NID1: variants seen among roughly 807,000 people sequenced by gnomAD.
The protein encoded by NID1 is nidogen-1.
A neutral mutation model predicts 130.6 loss-of-function variants in NID1; 76 were observed. The ratio of observed to expected loss-of-function variants is 0.58; its 90% CI spans 0.48 to 0.70. NID1 has a LOEUF of 0.70. Among genes scored for constraint, NID1 ranks in the 30% least tolerant of loss-of-function variants. NID1 has a pLI of 0.00. For missense variants in NID1, 1,517 were observed against 1,664.8 expected, an observed-to-expected ratio of 0.91 and a Z score of 1.54; for synonymous variants, 665 against 675.1, an observed-to-expected ratio of 0.98 and a Z score of 0.23.
intron 14 of NID1, among the ~76,000 whole-genome samples, chr1:235,988,354 A>G (rs933718208): frequency 1.3e-5 from 2 of 152,240 alleles, no homozygotes; most frequent in African/African-American, 4.8e-5. Context: ...TACAATGGCT[A>G]TCATTAAAAA....
At chr1:235,993,952 G>T in intron 12 of NID1, 80 bp from the exon 13 acceptor site, 2 of 1,372,170 alleles carry the variant, frequency 1.5e-6, no homozygotes, top group Non-Finnish European at 2.0e-6. Flanking sequence ...AGGAGTCCCC[G>T]CAGCTCGCTC....
chr1:236,025,760 CT>C lies in NID1; in HGVS notation c.1984+135del, dbSNP rs1223968232. On this transcript the variant is annotated intron_variant, in intron 8 of 19. Coordinates refer to ENST00000264187, the MANE Select transcript of NID1 (RefSeq NM_002508.3). ...CAAGAATCAAAAATAACAAGACATT[CT>C]TTTTTTCCTGCCAGAAGATACTTTA... 1.2e-5 allele frequency: 15 copies of C among 1,249,204 alleles called. No individual in the cohort carries two copies. In the Admixed American group the frequency reaches 1.4e-4, roughly 11 times the overall value. The allele number at this position is 1,249,204 out of a possible 1,614,324, so 77.4% of individuals were successfully genotyped here. A position where few individuals can be genotyped will look rare whatever the true frequency, so the allele number is the denominator to read the frequency against.
At chr1:236,020,207 C>T (rs906622221) in intron 9 of NID1, among the ~76,000 whole-genome samples, 5 of 152,204 alleles carry the variant, frequency 3.3e-5, no homozygotes, top group African/African-American at 9.6e-5. Flanking sequence ...TGGTCAACCT[C>T]TTCTCTGGAA....
chr1:236,045,725 G>C, intron 2 of NID1, 42 bp from the exon 3 acceptor site: 1 of 1,427,988 alleles, frequency 7.0e-7, no homozygotes, highest in Admixed American at 1.9e-5. Flanking sequence ...GAAAAATATC[G>C]ATAGATTTTA....
At chr1:236,028,241 G>A (rs1325043050) in intron 7 of NID1, among the ~76,000 whole-genome samples, 1 of 152,186 alleles carries the variant, frequency 6.6e-6, no homozygotes, top group Non-Finnish European at 1.5e-5. Flanking sequence ...AAACATTCAC[G>A]ATTTGACATT....
chr1:236,004,650 T>TA (rs1206579038), intron 12 of NID1, among the ~76,000 whole-genome samples: 1 of 148,516 alleles, frequency 6.7e-6, no homozygotes, highest in African/African-American at 2.5e-5. Context: ...TAGTCCCAGC[T>TA]ACTCGGGAGG....
chr1:236,012,014 G>A lies in NID1; in HGVS notation c.2434C>T (p.His812Tyr). The A allele has an allele frequency of 6.2e-7, 1 of 1,614,066 alleles. No homozygotes were observed. The highest frequency in any genetic ancestry group is 2.2e-5 in the East Asian group (1 of 44,882). ...DVDECQPSRC[H>Y]PDAFCYNTPG... ...GTGTTGTAGCAGAAGGCGTCAGGGT[G>A]ACATCGGCTTGGCTGGCATTCATCT... The change falls in exon 12 of 20, where the codon CAC becomes TAC. Residue 812 changes from histidine (H) to tyrosine (Y), a missense_variant. His to Tyr is a moderately conservative substitution (Grantham distance 83). This residue lies in a region of NID1 where 1,329 missense variants were observed against 1,429.2 expected (regional missense o/e 0.93). Transcript: ENST00000264187.
chr1:236,034,698 A>G (rs1461886864), intron 5 of NID1, among the ~76,000 whole-genome samples: 1 of 152,158 alleles, frequency 6.6e-6, no homozygotes, highest in Non-Finnish European at 1.5e-5. Context: ...GGTGATGAAA[A>G]TGTTCTAGAA....
rs773330494 is a variant in NID1, at chr1:236,018,202, A to G, written c.2129-929T>C. On this transcript the variant is annotated intron_variant, in intron 9 of 19. Coordinates refer to ENST00000264187, the MANE Select transcript of NID1 (RefSeq NM_002508.3). ...ACAAACATAGGCTTTGGAGTTGGAC[A>G]TAGCTAGGTTCAAATCCTGCTTCCT... 3.4e-4 allele frequency among the ~76,000 whole-genome samples: 52 copies of G among 152,224 alleles called. 1 individual carries two copies. Among genetic ancestry groups the G allele is most frequent in the Non-Finnish European group, 2.4e-4 (16 of 68,042 alleles).
chr1:236,012,098 T>C, intron 11 of NID1, 55 bp from the exon 12 acceptor site: 1 of 1,588,996 alleles, frequency 6.3e-7, no homozygotes, highest in Non-Finnish European at 8.6e-7. Flanking sequence ...GAATTCGTAG[T>C]TTACCCAATA....
intron 1 of NID1, among the ~76,000 whole-genome samples, chr1:236,049,794 C>A (rs549970176): frequency 6.6e-6 from 1 of 151,780 alleles, no homozygotes; most frequent in South Asian, 2.1e-4. Context: ...AATCTCAGCA[C>A]TTTGGGAGGC....
At chr1:236,000,525 A>G (rs1658047008) in intron 12 of NID1, among the ~76,000 whole-genome samples, 1 of 152,074 alleles carries the variant, frequency 6.6e-6, no homozygotes, top group Non-Finnish European at 1.5e-5. Context: ...ACCAACATAC[A>G]TCTTACCTGT....
chr1:236,026,321 T>C (rs908597336), intron 7 of NID1, among the ~76,000 whole-genome samples, 180 bp from the exon 8 acceptor site: 7 of 152,220 alleles, frequency 4.6e-5, no homozygotes, highest in African/African-American at 1.4e-4. Flanking sequence ...TTGAGACTCA[T>C]TCTATGAAAT....
chr1:236,028,703 T>C (rs1439181765), intron 7 of NID1, among the ~76,000 whole-genome samples: 1 of 151,608 alleles, frequency 6.6e-6, no homozygotes, highest in African/African-American at 2.4e-5. Context: ...TATATATATA[T>C]ATATGGAGAG....
At chr1:236,016,708 C>T (rs576082056) in intron 10 of NID1, among the ~76,000 whole-genome samples, 29 of 152,152 alleles carry the variant, frequency 1.9e-4, no homozygotes, top group Admixed American at 9.2e-4. Flanking sequence ...AATAGAATGA[C>T]CCCAGTTGGA....
At chr1:236,018,069 T>C (rs964894242) in intron 9 of NID1, among the ~76,000 whole-genome samples, 11 of 152,210 alleles carry the variant, frequency 7.2e-5, no homozygotes, top group Non-Finnish European at 1.5e-4. Context: ...TAGGGCTTAA[T>C]GGACTAAAAG....
intron 6 of NID1, among the ~76,000 whole-genome samples, chr1:236,032,038 G>C (rs1294730302): frequency 6.6e-6 from 1 of 151,882 alleles, no homozygotes; most frequent in Non-Finnish European, 1.5e-5. Flanking sequence ...GTTTCAGGTT[G>C]GTTTGGAATT....
Position 235,979,873 on chromosome 1 carries a change from G to C in NID1, c.3458C>G (p.Pro1153Arg). The C allele has an allele frequency of 1.2e-5, 19 of 1,614,158 alleles. No individual in the cohort carries two copies. The highest frequency in any genetic ancestry group is 1.6e-5 in the Non-Finnish European group (19 of 1,179,998). ...CTTCCCGTAGCTCGTCACAGCAAAA[G>C]GATACTGGAGCCCTTCGAGAGCCTT... ...RRKALEGLQY[P>R]FAVTSYGKNL... Residue 1153 changes from proline to arginine, a missense_variant, in exon 18 of 20, where the codon CCT (proline) becomes CGT (arginine). Pro to Arg is a moderately radical substitution (Grantham distance 103, BLOSUM62 -2). Coordinates refer to ENST00000264187, the MANE Select transcript of NID1 (RefSeq NM_002508.3). This position sits in a 1 kb window ranked among gnomAD's most constrained non-coding sequence, Gnocchi z 4.6.
At chr1:236,021,429 A>G (rs1159652150) in intron 9 of NID1, among the ~76,000 whole-genome samples, 1 of 152,224 alleles carries the variant, frequency 6.6e-6, no homozygotes, top group Non-Finnish European at 1.5e-5. Flanking sequence ...CCTGCCCTCC[A>G]GTATTTCAGA....
Sources: gnomAD v4.1 joint callset for allele counts (sites outside exome capture counted in the v4.1 genomes callset) on GRCh38, gnomAD v4.1.1 for gene constraint, gnomAD v4.1.1 regional missense constraint, Gnocchi (gnomAD v3.1) non-coding constraint, MANE v1.5 for transcripts, NCBI Gene and HGNC (gene_info 2026-07-23, HGNC 2026-07-21) for gene names.